Variants in NFIB observed in about 807,000 individuals in gnomAD.
NFIB encodes the protein nuclear factor I B.
A neutral mutation model predicts 61.5 loss-of-function variants in NFIB; 11 were observed. The observed-to-expected ratio is 0.18, with a 90% CI of 0.11 to 0.30. The LOEUF is 0.30. Among genes scored for constraint, NFIB ranks in the 10% least tolerant of loss-of-function variants. The pLI, the probability that NFIB is intolerant of heterozygous loss-of-function variation, is 1.00. For missense variants in NFIB, 471 were observed against 608.9 expected, an observed-to-expected ratio of 0.77 and a Z score of 2.38; for synonymous variants, 260 against 216.5, an observed-to-expected ratio of 1.20 and a Z score of -1.76.
chr9:14,526,557 G>A, the NFIB span, among the ~76,000 whole-genome samples: 3 of 152,218 alleles, frequency 2.0e-5, no homozygotes, highest in South Asian at 2.1e-4. Flanking sequence ...ACATTGAGAC[G>A]CAACAGGGGA....
At chr9:14,296,736 T>C (rs931607699) in intron 2 of NFIB, among the ~76,000 whole-genome samples, 14 of 152,228 alleles carry the variant, frequency 9.2e-5, no homozygotes, top group Admixed American at 9.2e-4. Flanking sequence ...AAATAAGCTT[T>C]AGTGTCTGTA....
At position 14,241,235 on chromosome 9, in the gene NFIB, G is replaced by A. The variant is rs558830323; in HGVS notation, c.563-61455C>T. ...ATAGTTATGTATGCATAACGGACCA[G>A]GCCATTACCAAGGCTAAGTAAATAC... is the stretch of plus-strand genomic sequence containing the variant. On this transcript the variant is annotated intron_variant, in intron 2 of 10. Transcript: ENST00000380953. Among the ~76,000 whole-genome samples the A allele has an allele frequency of 2.0e-5, 3 of 152,226 alleles. No individual in the cohort carries two copies. The South Asian group carries it at 6.2e-4, about 32-fold the overall frequency.
At chr9:14,472,659 G>T in the NFIB span, among the ~76,000 whole-genome samples, 11 of 152,154 alleles carry the variant, frequency 7.2e-5, 1 homozygote, top group African/African-American at 2.6e-4. Context: ...GGCTAACACG[G>T]TGAAACCCCA....
chr9:14,210,504 C>T (rs10756540), intron 2 of NFIB, among the ~76,000 whole-genome samples: 68,258 of 151,694 alleles, frequency 0.45, 17,862 homozygotes, highest in African/African-American at 0.72. Context: ...ACTTCACTTA[C>T]GAAGAAAATA....
the NFIB span, among the ~76,000 whole-genome samples, chr9:14,470,673 G>C: frequency 2.4e-4 from 37 of 152,226 alleles, 3 homozygotes; most frequent in South Asian, 7.3e-3. Context: ...TTAGCATCTT[G>C]TAGTATAAAT....
At chr9:14,526,964 A>T in the NFIB span, among the ~76,000 whole-genome samples, 1 of 152,192 alleles carries the variant, frequency 6.6e-6, no homozygotes, top group Admixed American at 6.5e-5. Context: ...TTAAGATAGG[A>T]TCTAAGGATA....
At chr9:14,177,172 A>C (rs1314325682) in intron 3 of NFIB, among the ~76,000 whole-genome samples, 1 of 152,242 alleles carries the variant, frequency 6.6e-6, no homozygotes, top group Non-Finnish European at 1.5e-5. Flanking sequence ...TGCCTTCTCA[A>C]GACACAAAAT....
intron 1 of NFIB, among the ~76,000 whole-genome samples, chr9:14,355,892 G>C (rs1365435283): frequency 6.6e-6 from 1 of 151,924 alleles, no homozygotes; most frequent in Non-Finnish European, 1.5e-5. Flanking sequence ...GGGAGGCGGA[G>C]CTTGCAGTGA....
intron 4 of NFIB, among the ~76,000 whole-genome samples, chr9:14,154,871 A>G (rs2043223236): frequency 6.6e-6 from 1 of 152,112 alleles, no homozygotes; most frequent in Non-Finnish European, 1.5e-5. Flanking sequence ...ACTCTAAAAC[A>G]CTGCTTATTC....
chr9:14,107,065 C>G (rs2036664987), intron 10 of NFIB, among the ~76,000 whole-genome samples: 1 of 151,818 alleles, frequency 6.6e-6, no homozygotes, highest in Non-Finnish European at 1.5e-5. Context: ...TTCTCCAGAC[C>G]CTCAATGAAA....
chr9:14,419,804 C>T, the NFIB span, among the ~76,000 whole-genome samples: 39 of 152,300 alleles, frequency 2.6e-4, no homozygotes, highest in African/African-American at 8.2e-4. Context: ...ACACTGCCCA[C>T]GCAGCTTTGT....
intron 1 of NFIB, among the ~76,000 whole-genome samples, chr9:14,376,084 A>C (rs2061415758): frequency 6.6e-6 from 1 of 152,192 alleles, no homozygotes; most frequent in African/African-American, 2.4e-5. Flanking sequence ...GGGTCTTGCT[A>C]AGTTGTCCAG....
the NFIB span, among the ~76,000 whole-genome samples, chr9:14,450,314 C>T: frequency 6.6e-6 from 1 of 152,138 alleles, no homozygotes; most frequent in Non-Finnish European, 1.5e-5. Context: ...CATCTATACC[C>T]ACTCAACCTA....
At chr9:14,347,588 G>GGGGAGAGGGGAGAAGGGAGAA (rs1554715821) in intron 1 of NFIB, among the ~76,000 whole-genome samples, 8 of 151,274 alleles carry the variant, frequency 5.3e-5, no homozygotes, top group African/African-American at 1.7e-4. Flanking sequence ...GATTGGGAGA[G>GGGGAGAGGGGAGAAGGGAGAA]GGGAGAAGGG....
chr9:14,126,965 A>G (rs560289211), intron 6 of NFIB, among the ~76,000 whole-genome samples: 1 of 152,320 alleles, frequency 6.6e-6, no homozygotes, highest in East Asian at 1.9e-4. Flanking sequence ...AAATCTAGTG[A>G]GGCGATGTGG....
intron 2 of NFIB, among the ~76,000 whole-genome samples, chr9:14,258,056 A>G (rs1195540238): frequency 6.6e-6 from 1 of 152,198 alleles, no homozygotes; most frequent in Non-Finnish European, 1.5e-5. Context: ...GTGGTGGTCA[A>G]ACATTGAGTG....
chr9:14,150,000 A>G, intron 5 of NFIB, 145 bp downstream of exon 5: 3 of 1,194,458 alleles, frequency 2.5e-6, no homozygotes, highest in South Asian at 3.2e-5. Context: ...AATAAATTTA[A>G]CCAGGAAAGA....
chr9:14,097,364 C>T (rs1002999908), intron 10 of NFIB, among the ~76,000 whole-genome samples: 1 of 152,104 alleles, frequency 6.6e-6, no homozygotes, highest in African/African-American at 2.4e-5. Flanking sequence ...GATTTGAACA[C>T]ACTTTAGAGC....
At chr9:14,472,184 G>C in the NFIB span, among the ~76,000 whole-genome samples, 1 of 152,182 alleles carries the variant, frequency 6.6e-6, no homozygotes, top group South Asian at 2.1e-4. Context: ...TTTTAACACA[G>C]TATCTTTCTG....
Sources: gnomAD v4.1 joint callset for allele counts (sites outside exome capture counted in the v4.1 genomes callset) on GRCh38, gnomAD v4.1.1 for gene constraint, MANE v1.5 for transcripts, NCBI Gene and HGNC (gene_info 2026-07-23, HGNC 2026-07-21) for gene names.